The following ANK3 variants were observed in gnomAD, a reference collection of about 807,000 sequenced individuals.
ANK3 encodes ankyrin-3.
Under a neutral mutation model 370.9 loss-of-function variants are expected in ANK3, and 57 were observed. The observed-to-expected ratio is 0.15, with a 90% CI of 0.12 to 0.19. ANK3 has a LOEUF of 0.19. ANK3 is among the 10% of genes least tolerant of loss of function. ANK3 has a pLI of 1.00. For missense variants in ANK3, 4,439 were observed against 5,302.1 expected (o/e 0.84, Z 5.06); for synonymous variants, 1,929 against 1,946.3 (o/e 0.99, Z 0.23).
chr10:60,260,571 A>G (rs2097789045), intron 7 of ANK3, among the ~76,000 whole-genome samples: 1 of 152,174 alleles, frequency 6.6e-6, no homozygotes, highest in African/African-American at 2.4e-5. Context: ...GTTGAAACGT[A>G]GTGTCCCATG....
At chr10:60,590,911 C>G (rs1281589329) in intron 2 of ANK3, among the ~76,000 whole-genome samples, 1 of 152,096 alleles carries the variant, frequency 6.6e-6, no homozygotes, top group African/African-American at 2.4e-5. Context: ...TTTCAATCCA[C>G]AGTTTGTTGA....
chr10:60,337,242 C>T (rs1268319478), intron 1 of ANK3, among the ~76,000 whole-genome samples: 4 of 152,022 alleles, frequency 2.6e-5, no homozygotes, highest in African/African-American at 4.8e-5. Flanking sequence ...ATACTAGTTC[C>T]CCAGCCCCAT....
chr10:60,716,322 T>C lies in ANK3; in HGVS notation c.57+16941A>G, dbSNP rs201791725. ...GCTACAATCAGAGTATTGCTTCTCA[T>C]AAATAAAAGCAAGCAACTGGAGAAG... On this transcript the variant is annotated intron_variant, in intron 1 of 43. Coordinates refer to the ANK3 transcript ENST00000373827. 5.9e-5 allele frequency among the ~76,000 whole-genome samples: 9 copies of C among 152,190 alleles called. No homozygotes were observed. The East Asian group carries it at 1.2e-3, about 20-fold the overall frequency.
chr10:60,230,629 G>A (rs1424116854), intron 8 of ANK3, among the ~76,000 whole-genome samples: 1 of 152,136 alleles, frequency 6.6e-6, no homozygotes, highest in African/African-American at 2.4e-5. Flanking sequence ...GGTGGCTCAC[G>A]CCTGTAATCC....
At chr10:60,553,945 TAAGTTTTTAA>T (rs982171050) in intron 2 of ANK3, among the ~76,000 whole-genome samples, 2 of 152,200 alleles carry the variant, frequency 1.3e-5, no homozygotes, top group African/African-American at 4.8e-5. Context: ...CGACCCATGC[TAAGTTTTTAA>T]ATAAATATTA....
chr10:60,151,932 A>G (rs2095138617), intron 23 of ANK3, among the ~76,000 whole-genome samples: 1 of 152,194 alleles, frequency 6.6e-6, no homozygotes, highest in South Asian at 2.1e-4. Context: ...CAATTTAATC[A>G]TTGTGAGGGT....
At chr10:60,329,384 CCAT>C (rs1241641237) in intron 1 of ANK3, among the ~76,000 whole-genome samples, 1 of 152,112 alleles carries the variant, frequency 6.6e-6, no homozygotes, top group Non-Finnish European at 1.5e-5. Context: ...TTAGAAAACC[CCAT>C]CATGTCAGCC....
chr10:60,268,168 C>T (rs190556829), intron 5 of ANK3, among the ~76,000 whole-genome samples: 6 of 152,068 alleles, frequency 3.9e-5, no homozygotes, highest in South Asian at 2.1e-4. Context: ...CCCTTGCACC[C>T]GGCTAAATGT....
rs201772249 is a variant in ANK3 at position 60,547,924 on chromosome 10, GA to G, written c.96+67261del. Among the ~76,000 whole-genome samples the G allele has an allele frequency of 1.5e-4, 22 of 151,580 alleles. 1 individual carries two copies. Among genetic ancestry groups the G allele is most frequent in the Non-Finnish European group, 2.7e-4 (18 of 67,858 alleles). ...GCCCTAAGTTTTATTTAATTTCTAA[GA>G]AAAAAAACTACATAAATTTCCTTTC... is the stretch of plus-strand genomic sequence containing the variant. On this transcript the variant is annotated intron_variant, in intron 2 of 43. Coordinates refer to the ANK3 transcript ENST00000373827.
At position 60,552,446 on chromosome 10, in the gene ANK3, G is replaced by A. The variant is rs75745420; in HGVS notation, c.96+62740C>T. On this transcript the variant is annotated intron_variant, in intron 2 of 43. Transcript: ENST00000373827. ...TACAACAATAAATATAAACATCACC[G>A]GCTTTAAAGTTTTATGGATAATTAC... Among the ~76,000 whole-genome samples the A allele has an allele frequency of 2.9e-3, 443 of 152,120 alleles. 13 individuals are homozygous for A. The East Asian group carries it at 0.068, about 23-fold the overall frequency.
rs145917298 is a variant in ANK3, at chr10:60,674,172, T to C, written c.58-58948A>G. Among the ~76,000 whole-genome samples the C allele has an allele frequency of 2.4e-4, 36 of 152,348 alleles. No homozygotes were observed. The East Asian group carries it at 6.2e-3, about 26-fold the overall frequency. On this transcript the variant is annotated intron_variant, in intron 1 of 43. Coordinates refer to the ANK3 transcript ENST00000373827. Reference sequence around the variant, plus strand: ...CATTCCAATAATTTTTTTTCTTTACTAAGGTAAACTTTACTACAGTGAAAT... The same window carrying C: ...CATTCCAATAATTTTTTTTCTTTACCAAGGTAAACTTTACTACAGTGAAAT...
intron 1 of ANK3, among the ~76,000 whole-genome samples, chr10:60,624,685 A>G (rs1048776575): frequency 2.6e-5 from 4 of 151,832 alleles, no homozygotes; most frequent in Non-Finnish European, 4.4e-5. Context: ...CCAACACAAG[A>G]AACCCTCCGC....
Position 60,304,337 on chromosome 10 carries a change from C to T in ANK3, c.115-24698G>A, listed in dbSNP as rs72822250. Among the ~76,000 whole-genome samples, 810 of 152,096 alleles carry T rather than the reference C, an allele frequency of 5.3e-3. 4 individuals are homozygous for T. The highest frequency in any genetic ancestry group is 0.011 in the South Asian group (51 of 4,816). ...AATTAGCTTGACTGTGATTATTTTA[C>T]AATGTATATGTTATCAAAACATTGG... On this transcript the variant is annotated intron_variant, in intron 1 of 43. Transcript: ENST00000280772.
At chr10:60,488,037 GA>G (rs2133114261) in intron 2 of ANK3, among the ~76,000 whole-genome samples, 1 of 152,146 alleles carries the variant, frequency 6.6e-6, no homozygotes, top group South Asian at 2.1e-4. Context: ...TAGAAGTTGA[GA>G]ACAAACACAT....
Position 60,205,795 on chromosome 10 carries a change from G to C in ANK3, c.1290C>G (p.Thr430=), listed in dbSNP as rs374761322. The change falls in exon 11 of 44, where the codon ACC becomes ACG. Residue 430 remains threonine, a synonymous_variant. Transcript: ENST00000280772. The part of the protein sequence containing the change: ...LKHGASIQAV[T]ESGLTPIHVA... ...CAGAAATCTTAACTCTTCTCACCTC[G>C]GTTACAGCTTGGATGGATGCACCGT... 715 of 1,610,910 alleles carry C rather than the reference G, an allele frequency of 4.4e-4. 15 individuals are homozygous for C. In the South Asian group the frequency reaches 7.0e-3, roughly 16 times the overall value.
At chr10:60,253,774 A>C (rs1445415373) in intron 7 of ANK3, among the ~76,000 whole-genome samples, 10 of 152,198 alleles carry the variant, frequency 6.6e-5, no homozygotes, top group Non-Finnish European at 1.5e-5. Context: ...CCTTAAAAGA[A>C]AGAAAAGAAG....
chr10:60,149,141 C>T (rs564736315), intron 23 of ANK3, among the ~76,000 whole-genome samples: 147 of 152,320 alleles, frequency 9.7e-4, no homozygotes, highest in African/African-American at 3.4e-3. Context: ...CCAACCTATA[C>T]CCCAGAGATG....
chr10:60,326,141 G>A (rs2049804903), intron 1 of ANK3, among the ~76,000 whole-genome samples: 1 of 152,064 alleles, frequency 6.6e-6, no homozygotes, highest in Admixed American at 6.6e-5. Flanking sequence ...GTGGAGGGTG[G>A]GAGGAGAGAG....
intron 1 of ANK3, among the ~76,000 whole-genome samples, chr10:60,643,764 C>G (rs970688959): frequency 2.0e-5 from 3 of 152,188 alleles, no homozygotes; most frequent in South Asian, 4.2e-4. Context: ...TCAAGCAGAG[C>G]CCATCAGGTT....
Sources: allele counts gnomAD v4.1 joint callset (sites outside exome capture counted in the v4.1 genomes callset), GRCh38; gene constraint gnomAD v4.1.1; transcripts MANE v1.5; gene names NCBI Gene and HGNC (gene_info 2026-07-23, HGNC 2026-07-21).